The following ADGRV1 variants were observed in gnomAD, a reference collection of about 807,000 sequenced individuals.
ADGRV1 encodes G-protein coupled receptor 98.
A neutral mutation model predicts 596.2 loss-of-function variants in ADGRV1; 359 were observed. The ratio of observed to expected loss-of-function variants is 0.60; its 90% CI spans 0.55 to 0.66. The LOEUF (loss-of-function observed/expected upper bound fraction) is 0.66. Among genes scored for constraint, ADGRV1 ranks in the 30% least tolerant of loss-of-function variants. The probability of loss-of-function intolerance (pLI) is 0.00; values close to 1 mark genes in which losing one functional copy is unlikely to be tolerated. For synonymous variants in ADGRV1, 2,681 were observed against 2,679.2 expected (o/e 1.00, Z -0.02); for missense variants, 7,274 against 7,575.6 (o/e 0.96, Z 1.48).
chr5:90,907,081 G>A (rs1772394919), intron 83 of ADGRV1, among the ~76,000 whole-genome samples: 2 of 152,012 alleles, frequency 1.3e-5, no homozygotes, highest in Non-Finnish European at 2.9e-5. Context: ...ATATAACTCA[G>A]GAATAGTTTA....
In ADGRV1 at chr5:90,691,006, G is replaced by A; in HGVS notation, c.6916G>A (p.Glu2306Lys). 1 of 1,613,764 alleles carries A rather than the reference G, an allele frequency of 6.2e-7. No individual in the cohort carries two copies. The highest frequency in any genetic ancestry group is 8.5e-7 in the Non-Finnish European group (1 of 1,179,712). Residue 2306 changes from glutamate to lysine, a missense_variant, in exon 31 of 90, where the codon GAG (glutamate) becomes AAG (lysine). Physicochemically the swap from Glu to Lys is moderately conservative, Grantham distance 56 (BLOSUM62 1). Around this residue, in one of 5 missense-constraint regions of ADGRV1, gnomAD observed 3,643 missense variants for 3,809.2 expected, o/e 0.96. Transcript: ENST00000405460. ...GGAAACCATTCAAACCTTGTTGTTA[G>A]AGGTCCTGGCTGACGACGTTCCGGA... is the stretch of plus-strand genomic sequence containing the variant. ...PGETIQTLLLEVLADDVPEIE... is the reference protein window; with the variant it reads ...PGETIQTLLLKVLADDVPEIE...
intron 50 of ADGRV1, among the ~76,000 whole-genome samples, chr5:90,736,449 T>A (rs1430306880): frequency 6.6e-6 from 1 of 152,076 alleles, no homozygotes; most frequent in African/African-American, 2.4e-5. Flanking sequence ...TCTTATAGGG[T>A]CTTTGGCCTT....
Position 90,853,314 on chromosome 5 carries a change from T to G in ADGRV1, c.17235T>G (p.Tyr5745Ter), listed in dbSNP as rs1057520080. ...KSKTILDSCP[Y>*]LSILALHWYP... ...AAACCATCCTTGATAGTTGCCCATA[T>G]TTGTCAATATTGGCTCTTCACTGGT... is the stretch of plus-strand genomic sequence containing the variant. Residue 5745 changes from tyrosine to a stop codon, truncating the protein, a stop_gained, in exon 80 of 90, where the codon TAT becomes TAG. Coordinates refer to ENST00000405460, the MANE Select transcript of ADGRV1 (RefSeq NM_032119.4). LOFTEE classifies it high-confidence loss of function. 2 of 1,610,952 alleles carry G rather than the reference T, an allele frequency of 1.2e-6. No individual in the cohort carries two copies. The highest frequency in any genetic ancestry group is 1.7e-6 in the Non-Finnish European group (2 of 1,177,926).
chr5:91,143,893 A>C (rs1034006185), intron 87 of ADGRV1, among the ~76,000 whole-genome samples: 2 of 152,226 alleles, frequency 1.3e-5, no homozygotes, highest in South Asian at 4.1e-4. Flanking sequence ...TCCCATGTTC[A>C]TTGGCATTCT....
intron 7 of ADGRV1, 115 bp downstream of exon 7, chr5:90,627,891 CAA>C: frequency 1.8e-6 from 1 of 546,372 alleles, no homozygotes; most frequent in Non-Finnish European, 3.0e-6. Flanking sequence ...TTTTTTCCCA[CAA>C]AGTTTCATGA....
intron 4 of ADGRV1, 57 bp downstream of exon 4, chr5:90,619,238 A>G: frequency 1.2e-6 from 1 of 825,452 alleles, no homozygotes; most frequent in Middle Eastern, 2.5e-4. Flanking sequence ...ATTAAATTTT[A>G]AAAATTAGTT....
chr5:91,010,063 C>T (rs1782599648), intron 85 of ADGRV1, among the ~76,000 whole-genome samples: 2 of 151,848 alleles, frequency 1.3e-5, no homozygotes, highest in African/African-American at 4.8e-5. Context: ...GCATTTCATT[C>T]GTAAGAATTG....
At chr5:91,104,448 T>C (rs1482141595) in intron 87 of ADGRV1, among the ~76,000 whole-genome samples, 1 of 152,256 alleles carries the variant, frequency 6.6e-6, no homozygotes, top group African/African-American at 2.4e-5. Context: ...GAAGTTTCAA[T>C]ATCCTCCTTC....
At chr5:91,161,422 G>GT (rs1266787357) in intron 89 of ADGRV1, among the ~76,000 whole-genome samples, 1 of 151,598 alleles carries the variant, frequency 6.6e-6, no homozygotes, top group Non-Finnish European at 1.5e-5. Flanking sequence ...TGGTCCATGG[G>GT]TTTTTTGTTG....
chr5:90,745,404 CCATGTTTCTAATATCTATTCTATCA>C, intron 51 of ADGRV1, 139 bp downstream of exon 51: 1 of 717,292 alleles, frequency 1.4e-6, no homozygotes. Flanking sequence ...TGGTTATTAT[CCATGTTTCTAATATCTATTCTATCA>C]AGTTTATCAG....
chr5:90,900,956 CCT>C (rs1216634306), intron 83 of ADGRV1, among the ~76,000 whole-genome samples: 1 of 151,978 alleles, frequency 6.6e-6, no homozygotes, highest in African/African-American at 2.4e-5. Context: ...GATTTTTTCC[CCT>C]GACTAATCCC....
chr5:91,093,095 A>ATGCTG (rs1790525288), intron 86 of ADGRV1, among the ~76,000 whole-genome samples: 1 of 152,222 alleles, frequency 6.6e-6, no homozygotes, highest in Admixed American at 6.5e-5. Context: ...ATACTTACCA[A>ATGCTG]ATTGATGCAT....
chr5:91,019,620 C>G (rs748121400), intron 85 of ADGRV1, among the ~76,000 whole-genome samples: 1 of 151,870 alleles, frequency 6.6e-6, no homozygotes, highest in Non-Finnish European at 1.5e-5. Flanking sequence ...CCACTTGATC[C>G]CTCTTTTTTC....
chr5:90,785,971 G>A (rs1759395228), intron 67 of ADGRV1, among the ~76,000 whole-genome samples: 1 of 152,138 alleles, frequency 6.6e-6, no homozygotes, highest in Non-Finnish European at 1.5e-5. Flanking sequence ...TTGCGGCACT[G>A]TTGACAGTAG....
chr5:90,837,184 A>G (rs1365710729), intron 77 of ADGRV1, among the ~76,000 whole-genome samples: 1 of 152,176 alleles, frequency 6.6e-6, no homozygotes, highest in Non-Finnish European at 1.5e-5. Flanking sequence ...AAAGACATCT[A>G]TTATTCTAGT....
At chr5:90,634,999 G>A (rs572483744) in intron 9 of ADGRV1, 115 bp from the exon 10 acceptor site, 15 of 616,612 alleles carry the variant, frequency 2.4e-5, no homozygotes, top group Admixed American at 1.7e-4. Context: ...ATAACATTGC[G>A]AAGTTATTGG....
intron 87 of ADGRV1, among the ~76,000 whole-genome samples, chr5:91,109,264 T>A (rs1462383470): frequency 6.6e-6 from 1 of 152,178 alleles, no homozygotes; most frequent in Admixed American, 6.5e-5. Flanking sequence ...AATTAAACTG[T>A]TGGATATCAA....
chr5:90,951,511 C>T (rs1038910805), intron 83 of ADGRV1, among the ~76,000 whole-genome samples: 1 of 151,982 alleles, frequency 6.6e-6, no homozygotes, highest in African/African-American at 2.4e-5. Flanking sequence ...CTGTTTACTC[C>T]TAAAAACTAG....
At chr5:91,130,475 T>C (rs1794118107) in intron 87 of ADGRV1, among the ~76,000 whole-genome samples, 1 of 148,038 alleles carries the variant, frequency 6.8e-6, no homozygotes, top group Non-Finnish European at 1.5e-5. Flanking sequence ...TGAGCCGAGA[T>C]TGTGCCATTG....
Sources: allele counts gnomAD v4.1 joint callset (sites outside exome capture counted in the v4.1 genomes callset), GRCh38; gene constraint gnomAD v4.1.1; regional missense constraint gnomAD v4.1.1; transcripts MANE v1.5; gene names NCBI Gene and HGNC (gene_info 2026-07-23, HGNC 2026-07-21).